The following LYST variants were observed in gnomAD, a reference collection of about 807,000 sequenced individuals.
The protein encoded by LYST is lysosomal trafficking regulator.
Under a neutral mutation model 413.6 loss-of-function variants are expected in LYST, and 192 were observed. The observed-to-expected ratio is 0.46, with a 90% confidence interval of 0.41 to 0.52. The LOEUF (loss-of-function observed/expected upper bound fraction) is 0.52, where lower values mean the gene tolerates loss of function less well. LYST is among the 20% of genes least tolerant of loss of function. The pLI, the probability that LYST is intolerant of heterozygous loss-of-function variation, is 0.00. For synonymous variants in LYST, 1,525 were observed against 1,567.3 expected, an observed-to-expected ratio of 0.97 and a Z score of 0.64; for missense variants, 3,815 against 4,499.9, an observed-to-expected ratio of 0.85 and a Z score of 4.35.
chr1:235,722,706 G>A (rs1663491268), intron 39 of LYST, among the ~76,000 whole-genome samples: 1 of 152,046 alleles, frequency 6.6e-6, no homozygotes, highest in African/African-American at 2.4e-5. Flanking sequence ...GGCTGGTCTT[G>A]AACTCCTGAC....
intron 50 of LYST, among the ~76,000 whole-genome samples, chr1:235,667,981 C>T (rs1658635394): frequency 6.6e-6 from 1 of 152,004 alleles, no homozygotes; most frequent in Admixed American, 6.6e-5. Context: ...TTCTTTAAAT[C>T]ACCTCTAGAT....
In LYST at chr1:235,788,806, C is replaced by T; in HGVS notation, c.4583G>A (p.Gly1528Asp). 1 of 1,613,556 alleles carries T rather than the reference C, an allele frequency of 6.2e-7. No individual in the cohort carries two copies. The highest frequency in any genetic ancestry group is 8.5e-7 in the Non-Finnish European group (1 of 1,179,610). ...ACATCCTTCTTCTATGAGTCTTTCA[C>T]CAGGATTTATGTACTCTGCACCTTC... ...RPEGAEYINPGERLIEEGCIH... is the reference protein window; with the variant it reads ...RPEGAEYINPDERLIEEGCIH... Residue 1528 changes from glycine to aspartate, a missense_variant, in exon 13 of 53, where the codon GGT (glycine) becomes GAT (aspartate). By Grantham distance (94) the Gly-to-Asp change is moderately conservative. Around this residue, in one of 4 missense-constraint regions of LYST, gnomAD observed 1,648 missense variants for 1,810.3 expected, o/e 0.91. Coordinates refer to ENST00000389793, the MANE Select transcript of LYST (RefSeq NM_000081.4).
chr1:235,857,064 G>A (rs1053861488), intron 1 of LYST, among the ~76,000 whole-genome samples: 2 of 151,146 alleles, frequency 1.3e-5, no homozygotes, highest in Non-Finnish European at 2.9e-5. Flanking sequence ...TCATGCCTCA[G>A]CCTCCTCAGT....
intron 1 of LYST, among the ~76,000 whole-genome samples, chr1:235,839,148 A>T (rs560808523): frequency 1.6e-4 from 24 of 150,882 alleles, no homozygotes; most frequent in South Asian, 1.3e-3. Context: ...CTACATATAA[A>T]ATGTAAAAGG....
intron 12 of LYST, 46 bp downstream of exon 12, chr1:235,791,653 C>T: frequency 1.3e-6 from 2 of 1,514,162 alleles, no homozygotes; most frequent in Non-Finnish European, 1.8e-6. Flanking sequence ...AAATTATAGT[C>T]TGAAAACAAT....
intron 10 of LYST, among the ~76,000 whole-genome samples, chr1:235,798,614 AAAC>A: frequency 7.0e-6 from 1 of 142,380 alleles, no homozygotes; most frequent in Admixed American, 7.0e-5. Flanking sequence ...AAAAAAAAAA[AAAC>A]ACTGAAAAAA....
chr1:235,808,981 T>A lies in LYST; in HGVS notation c.1837A>T (p.Asn613Tyr). The change falls in exon 5 of 53, where the codon AAT becomes TAT. Residue 613 changes from asparagine (N) to tyrosine (Y), a missense_variant. By Grantham distance (143) the Asn-to-Tyr change is moderately radical (BLOSUM62 -2). Around this residue, in one of 4 missense-constraint regions of LYST, gnomAD observed 1,648 missense variants for 1,810.3 expected, o/e 0.91. Coordinates refer to ENST00000389793, the MANE Select transcript of LYST (RefSeq NM_000081.4). ...ALKNFQQHIL[N>Y]ILNKLILDQL... ...TCCAAAATAAGTTTGTTAAGGATAT[T>A]CAATATATGCTGCTGAAAATTTTTC... 2 of 1,614,064 alleles carry A rather than the reference T, an allele frequency of 1.2e-6. No homozygotes were observed. Among genetic ancestry groups the A allele is most frequent in the Non-Finnish European group, 1.7e-6 (2 of 1,179,960 alleles).
chr1:235,837,922 T>C (rs1676744076), intron 1 of LYST, among the ~76,000 whole-genome samples: 1 of 152,054 alleles, frequency 6.6e-6, no homozygotes, highest in Non-Finnish European at 1.5e-5. Flanking sequence ...ATAGTATGTT[T>C]CTCTAACAGA....
Position 235,781,194 on chromosome 1 carries a change from C to T in LYST, c.5024-139G>A, listed in dbSNP as rs1669837935. On this transcript the variant is annotated intron_variant, in intron 15 of 52. Coordinates refer to ENST00000389793, the MANE Select transcript of LYST (RefSeq NM_000081.4). ...ATATTTTATAAAATTGATAAAGCCT[C>T]AATTTCGAAATTGGTGTAACGAGAA... is the stretch of plus-strand genomic sequence containing the variant. The T allele has an allele frequency of 2.7e-5, 17 of 629,996 alleles. 1 individual carries two copies. The South Asian group carries it at 3.3e-4, about 12-fold the overall frequency. 39.0% of individuals were successfully genotyped at this position (629,996 alleles called of 1,614,324 possible).
intron 40 of LYST, among the ~76,000 whole-genome samples, chr1:235,719,333 T>C (rs1663131984): frequency 6.6e-6 from 1 of 152,186 alleles, no homozygotes; most frequent in South Asian, 2.1e-4. Context: ...CTGAGTCCTT[T>C]TGACAAGACC....
In LYST at chr1:235,731,057, G is replaced by A. The variant is rs1388855975; in HGVS notation, c.8922C>T (p.Leu2974=). ...RCYLTIPNKY[L]LRDRQKSEDV... ...CTTCTGATTTCTGTCTATCCCTAAG[G>A]AGATACTTATTTGGAATAGTTAAAT... Residue 2974 remains leucine (L), a synonymous_variant, in exon 35 of 53, where the codon CTC becomes CTT. Coordinates refer to ENST00000389793, the MANE Select transcript of LYST (RefSeq NM_000081.4). 16 of 1,613,674 alleles carry A rather than the reference G, an allele frequency of 9.9e-6. No individual in the cohort carries two copies. Among genetic ancestry groups the A allele is most frequent in the Non-Finnish European group, 1.3e-5 (15 of 1,179,644 alleles).
chr1:235,713,086 T>G (rs189280618), intron 42 of LYST: 1 of 985,430 alleles, frequency 1.0e-6, no homozygotes, highest in Non-Finnish European at 1.2e-6. Context: ...CCAGCCTTAG[T>G]TGCTCTGCTG....
chr1:235,852,020 G>A (rs776394609), intron 1 of LYST, among the ~76,000 whole-genome samples: 1 of 152,148 alleles, frequency 6.6e-6, no homozygotes, highest in South Asian at 2.1e-4. Context: ...AGAAATGATA[G>A]CAGTTGTTTA....
Position 235,780,873 on chromosome 1 carries a change from G to C in LYST, c.5206C>G (p.Leu1736Val). ...ATAAAATTAAAACTTACAATTAAGA[G>C]ACCAATATCCACATCTTTCTTGGTC... The part of the protein sequence containing the change: ...FMTKKDVDIG[L>V]LIESLSVVYT... The change falls in exon 16 of 53, where the codon CTC becomes GTC. Residue 1736 changes from leucine (L) to valine (V), a missense_variant. Leu to Val is a conservative substitution (Grantham distance 32). Around this residue, in one of 4 missense-constraint regions of LYST, gnomAD observed 530 missense variants for 696.5 expected, o/e 0.76. Transcript: ENST00000389793. The C allele has an allele frequency of 2.1e-6, 3 of 1,451,284 alleles. No homozygotes were observed. The highest frequency in any genetic ancestry group is 2.8e-6 in the Non-Finnish European group (3 of 1,060,722). The allele number at this position is 1,451,284 out of a possible 1,614,324, so 89.9% of individuals were successfully genotyped here.
Position 235,712,099 on chromosome 1 carries a change from G to A in LYST, c.9883C>T (p.Pro3295Ser). ...AACTCTGGAAGATAGAAAAACTCTGGGATAAGTTCTTTCACATCAGTCATA... is the reference window on the plus strand; with the variant it reads ...AACTCTGGAAGATAGAAAAACTCTGAGATAAGTTCTTTCACATCAGTCATA... ...ESMTDVKELI[P>S]EFFYLPEFLV... Residue 3295 changes from proline to serine, a missense_variant, in exon 43 of 53, where the codon CCA becomes TCA. Pro to Ser is a moderately conservative substitution (Grantham distance 74, BLOSUM62 -1). Transcript: ENST00000389793. 6.4e-7 allele frequency: 1 copy of A among 1,555,906 alleles called. No individual in the cohort carries two copies. Among genetic ancestry groups the A allele is most frequent in the African/African-American group, 1.4e-5 (1 of 73,410 alleles).
intron 3 of LYST, among the ~76,000 whole-genome samples, chr1:235,821,051 T>C (rs1674695076): frequency 1.3e-5 from 2 of 152,226 alleles, no homozygotes; most frequent in Non-Finnish European, 2.9e-5. Context: ...CATATTCCAC[T>C]TTACCACTAC....
chr1:235,834,710 C>T (rs1676373364), intron 1 of LYST, among the ~76,000 whole-genome samples: 1 of 152,126 alleles, frequency 6.6e-6, no homozygotes, highest in Non-Finnish European at 1.5e-5. Flanking sequence ...TAGGAAAAAA[C>T]ATCCCTTCCT....
At chr1:235,873,081 G>T (rs905428753) in intron 1 of LYST, among the ~76,000 whole-genome samples, 5 of 152,194 alleles carry the variant, frequency 3.3e-5, no homozygotes, top group African/African-American at 1.2e-4. Flanking sequence ...AGGTGAAACA[G>T]ATCTTGCTTC....
At chr1:235,705,919 G>A (rs1430719252) in intron 44 of LYST, among the ~76,000 whole-genome samples, 1 of 152,038 alleles carries the variant, frequency 6.6e-6, no homozygotes, top group African/African-American at 2.4e-5. Context: ...AGTCTCCCAA[G>A]TAGCTGGGAT....
Sources: gnomAD v4.1 joint callset for allele counts (sites outside exome capture counted in the v4.1 genomes callset) on GRCh38, gnomAD v4.1.1 for gene constraint, gnomAD v4.1.1 regional missense constraint, MANE v1.5 for transcripts, NCBI Gene and HGNC (gene_info 2026-07-23, HGNC 2026-07-21) for gene names.